FOXN3: variants seen among roughly 807,000 people sequenced by gnomAD.
FOXN3 encodes forkhead box N3.
A neutral mutation model predicts 38.4 loss-of-function variants in FOXN3; 7 were observed. That is an observed-to-expected ratio of 0.18 (90% CI 0.10 to 0.34). FOXN3 has a LOEUF of 0.34. FOXN3 is among the 10% of genes least tolerant of loss of function. FOXN3 has a pLI of 1.00. For missense variants in FOXN3, 456 were observed against 613.4 expected (o/e 0.74, Z 2.71); for synonymous variants, 230 against 242.2 (o/e 0.95, Z 0.47).
intron 1 of FOXN3, among the ~76,000 whole-genome samples, chr14:89,538,160 C>T (rs1287428025): frequency 1.3e-5 from 2 of 152,204 alleles, no homozygotes; most frequent in African/African-American, 4.8e-5. Flanking sequence ...AGAGTTAACT[C>T]AGAAAAACAG....
At chr14:89,406,469 C>T (rs1891391780) in intron 2 of FOXN3, among the ~76,000 whole-genome samples, 1 of 152,024 alleles carries the variant, frequency 6.6e-6, no homozygotes, top group Non-Finnish European at 1.5e-5. Flanking sequence ...TAGGTTCCTT[C>T]CAATTAGGTT....
Position 89,607,603 on chromosome 14 carries a change from CAG to C in FOXN3, c.-15+11423_-15+11424del, listed in dbSNP as rs142410727. The stretch of plus-strand genomic sequence containing the variant: ...GACTCAAGTTTGCTGCCCATGCACA[CAG>C]AGGTGGGACCGAGTCAGCAGGGAGT... On this transcript the variant is annotated intron_variant, in intron 1 of 6. Transcript: ENST00000345097. Among the ~76,000 whole-genome samples the C allele has an allele frequency of 5.7e-3, 862 of 150,318 alleles. 6 individuals carry two copies. Among genetic ancestry groups the C allele is most frequent in the African/African-American group, 0.021 (840 of 40,832 alleles).
chr14:89,190,269 T>A (rs1415543489), intron 4 of FOXN3: 3 of 735,914 alleles, frequency 4.1e-6, no homozygotes, highest in African/African-American at 1.8e-5. Flanking sequence ...GCTTTTAAAG[T>A]GATTCTATAA....
chr14:89,452,311 T>C (rs1892629468), intron 1 of FOXN3, among the ~76,000 whole-genome samples: 1 of 152,186 alleles, frequency 6.6e-6, no homozygotes, highest in Admixed American at 6.5e-5. Flanking sequence ...AGATAAGGTA[T>C]CCACCCTTGG....
intron 2 of FOXN3, among the ~76,000 whole-genome samples, chr14:89,394,212 CT>C (rs35674375): frequency 0.03 from 3,256 of 109,540 alleles, 34 homozygotes; most frequent in African/African-American, 0.093. Context: ...GATCGACGTT[CT>C]TTTTTTTTTT....
chr14:89,597,529 T>A (rs1356686696), intron 1 of FOXN3, among the ~76,000 whole-genome samples: 1 of 152,230 alleles, frequency 6.6e-6, no homozygotes, highest in Non-Finnish European at 1.5e-5. Flanking sequence ...GTCTCTAGAT[T>A]GTACCAATTA....
intron 1 of FOXN3, among the ~76,000 whole-genome samples, chr14:89,413,930 G>GGGAGGGGGAGGA (rs2140098857): frequency 7.2e-6 from 1 of 139,180 alleles, no homozygotes; most frequent in African/African-American, 2.7e-5. Flanking sequence ...AGGAAGAAGC[G>GGGAGGGGGAGGA]GGAGGGGGAG....
chr14:89,466,629 A>G (rs1892979463), intron 1 of FOXN3, among the ~76,000 whole-genome samples: 2 of 152,172 alleles, frequency 1.3e-5, no homozygotes, highest in Non-Finnish European at 1.5e-5. Context: ...GTTACAACAC[A>G]GGAAGTGCTG....
At chr14:89,493,776 G>A (rs1309067201) in intron 1 of FOXN3, among the ~76,000 whole-genome samples, 1 of 151,290 alleles carries the variant, frequency 6.6e-6, no homozygotes, top group African/African-American at 2.4e-5. Context: ...CTGTTAAAAA[G>A]ATTCTGTTGC....
At chr14:89,536,946 G>A (rs1435620917) in intron 1 of FOXN3, among the ~76,000 whole-genome samples, 6 of 151,998 alleles carry the variant, frequency 3.9e-5, no homozygotes, top group South Asian at 4.2e-4. Flanking sequence ...TCTTTATCAT[G>A]GCATGACCCC....
intron 1 of FOXN3, among the ~76,000 whole-genome samples, chr14:89,530,998 TAATA>T (rs980252661): frequency 9.2e-4 from 135 of 147,478 alleles, no homozygotes; most frequent in African/African-American, 3.2e-3. Context: ...TACACATATA[TAATA>T]TATATACATA....
intron 2 of FOXN3, among the ~76,000 whole-genome samples, chr14:89,371,268 G>C (rs1402976217): frequency 6.6e-6 from 1 of 152,066 alleles, no homozygotes; most frequent in Admixed American, 6.5e-5. Context: ...CTTTGGGAGG[G>C]ATCTCTTCTG....
intron 1 of FOXN3, among the ~76,000 whole-genome samples, chr14:89,587,869 A>G (rs1324775744): frequency 5.3e-4 from 7 of 13,250 alleles, no homozygotes; most frequent in Non-Finnish European, 2.3e-3. Flanking sequence ...CTGTCTCAGA[A>G]AAAAAAAAAA....
At chr14:89,458,030 CA>C (rs11445763) in intron 1 of FOXN3, among the ~76,000 whole-genome samples, 1,153 of 53,534 alleles carry the variant, frequency 0.022, 4 homozygotes, top group African/African-American at 0.063. Flanking sequence ...AACTCCATCT[CA>C]AAAAAAAAAA....
rs1277574161 is a variant in FOXN3 at position 89,484,854 on chromosome 14, C to A, written c.-14-72364G>T. Among the ~76,000 whole-genome samples, 1 of 152,116 alleles carries A rather than the reference C, an allele frequency of 6.6e-6. No homozygotes were observed. The highest frequency in any genetic ancestry group is 2.4e-5 in the African/African-American group (1 of 41,424). On this transcript the variant is annotated intron_variant, in intron 1 of 6. Coordinates refer to the FOXN3 transcript ENST00000345097. This position sits in a 1 kb window ranked among gnomAD's most constrained non-coding sequence, Gnocchi z 4.0. Reference sequence around the variant, plus strand: ...TCAGTAGCACCTTTAAGACCCAGGACAGGCCAGGTGTGGTAGCTCATGCCT... The same window carrying A: ...TCAGTAGCACCTTTAAGACCCAGGAAAGGCCAGGTGTGGTAGCTCATGCCT...
chr14:89,560,907 G>A (rs1566700437), intron 1 of FOXN3, among the ~76,000 whole-genome samples: 1 of 152,138 alleles, frequency 6.6e-6, no homozygotes, highest in African/African-American at 2.4e-5. Flanking sequence ...CAGTAGAGGT[G>A]CTCCAGGTTA....
At chr14:89,553,674 C>T (rs1218136622) in intron 1 of FOXN3, among the ~76,000 whole-genome samples, 1 of 152,060 alleles carries the variant, frequency 6.6e-6, no homozygotes, top group African/African-American at 2.4e-5. Context: ...CCAACTCCAT[C>T]GCTCATCCGG....
At chr14:89,343,358 C>A (rs1374054816) in intron 3 of FOXN3, among the ~76,000 whole-genome samples, 1 of 152,120 alleles carries the variant, frequency 6.6e-6, no homozygotes, top group Non-Finnish European at 1.5e-5. Context: ...CTATTCCCAG[C>A]CTCACTATGA....
chr14:89,541,333 A>T (rs569119434), intron 1 of FOXN3, among the ~76,000 whole-genome samples: 1 of 152,312 alleles, frequency 6.6e-6, no homozygotes, highest in South Asian at 2.1e-4. Context: ...AGGATGAGAC[A>T]GGAGGTCAGC....
Sources: gnomAD v4.1 joint callset for allele counts (sites outside exome capture counted in the v4.1 genomes callset) on GRCh38, gnomAD v4.1.1 for gene constraint, Gnocchi (gnomAD v3.1) non-coding constraint, MANE v1.5 for transcripts, NCBI Gene and HGNC (gene_info 2026-07-23, HGNC 2026-07-21) for gene names.